EDAR: variants seen among roughly 807,000 people sequenced by gnomAD.
EDAR encodes the protein tumor necrosis factor receptor superfamily member EDAR.
Under a neutral mutation model 51.3 loss-of-function variants are expected in EDAR, and 38 were observed. That is an observed-to-expected ratio of 0.74 (90% CI 0.57 to 0.97). EDAR has a LOEUF of 0.97. EDAR is among the 50% of genes least tolerant of loss of function. EDAR has a pLI of 0.00. For missense variants in EDAR, 528 were observed against 595.0 expected, an observed-to-expected ratio of 0.89 and a Z score of 1.17; for synonymous variants, 227 against 242.1, an observed-to-expected ratio of 0.94 and a Z score of 0.58.
At chr2:108,969,357 G>C (rs1277467833) in intron 1 of EDAR, among the ~76,000 whole-genome samples, 1 of 152,076 alleles carries the variant, frequency 6.6e-6, no homozygotes, top group African/African-American at 2.4e-5. Flanking sequence ...CTATTGATCT[G>C]TATGTGCTGG....
chr2:108,971,897 G>C (rs1376387526), intron 1 of EDAR, among the ~76,000 whole-genome samples: 1 of 152,208 alleles, frequency 6.6e-6, no homozygotes, highest in South Asian at 2.1e-4. Context: ...GTCACCAAAG[G>C]CACTGAGCTT....
intron 1 of EDAR, among the ~76,000 whole-genome samples, chr2:108,986,850 G>A (rs924125595): frequency 3.3e-5 from 5 of 152,160 alleles, no homozygotes; most frequent in South Asian, 4.1e-4. Flanking sequence ...AGATGGAGGC[G>A]GCATACTCAC....
intron 1 of EDAR, among the ~76,000 whole-genome samples, chr2:108,965,273 C>G (rs899372465): frequency 2.0e-5 from 3 of 151,932 alleles, no homozygotes; most frequent in Non-Finnish European, 4.4e-5. Flanking sequence ...GTCAGGAGAT[C>G]GAGACCATCC....
chr2:108,966,466 C>G (rs4676223), intron 1 of EDAR, among the ~76,000 whole-genome samples: 5 of 152,080 alleles, frequency 3.3e-5, no homozygotes, highest in Non-Finnish European at 7.4e-5. Context: ...TATGCCTCAT[C>G]TCGCGGGCCC....
chr2:108,930,408 C>A (rs924882984), intron 2 of EDAR, among the ~76,000 whole-genome samples, 166 bp from the exon 3 acceptor site: 9 of 152,112 alleles, frequency 5.9e-5, no homozygotes, highest in Non-Finnish European at 1.0e-4. Context: ...GCTGCTAAGT[C>A]TCCAGTGGCT....
chr2:108,915,560 T>G (rs969407743), intron 5 of EDAR, among the ~76,000 whole-genome samples: 6 of 152,226 alleles, frequency 3.9e-5, no homozygotes, highest in Non-Finnish European at 1.5e-5. Context: ...AATCTTTGCT[T>G]TCTTAATTTA....
intron 1 of EDAR, among the ~76,000 whole-genome samples, chr2:108,952,304 G>A (rs1697840900): frequency 1.3e-5 from 2 of 152,128 alleles, no homozygotes; most frequent in South Asian, 2.1e-4. Context: ...TTGGGTAGAA[G>A]GTAGTTTGGT....
At chr2:108,907,475 G>A (rs1025379624) in intron 10 of EDAR, among the ~76,000 whole-genome samples, 4 of 151,928 alleles carry the variant, frequency 2.6e-5, no homozygotes, top group African/African-American at 4.8e-5. Context: ...GTGAAACCTC[G>A]TCTCTACTAA....
intron 4 of EDAR, among the ~76,000 whole-genome samples, chr2:108,927,806 C>G (rs2105441779): frequency 6.6e-6 from 1 of 152,276 alleles, no homozygotes; most frequent in Non-Finnish European, 1.5e-5. Flanking sequence ...CCCTCCACCT[C>G]CCCACCAAGC....
chr2:108,951,235 C>T (rs1287190365), intron 1 of EDAR, among the ~76,000 whole-genome samples: 1 of 152,204 alleles, frequency 6.6e-6, no homozygotes, highest in Non-Finnish European at 1.5e-5. Flanking sequence ...CTTGAAGGGT[C>T]TCAATATCGG....
chr2:108,984,828 T>TGGCATGTAGCAGATGCCC (rs1698471793), intron 1 of EDAR, among the ~76,000 whole-genome samples: 1 of 152,176 alleles, frequency 6.6e-6, no homozygotes, highest in East Asian at 1.9e-4. Context: ...GCATGGTGCC[T>TGGCATGTAGCAGATGCCC]GGCATGTAGC....
intron 1 of EDAR, among the ~76,000 whole-genome samples, chr2:108,946,627 T>C (rs1302544228): frequency 6.6e-6 from 1 of 152,160 alleles, no homozygotes; most frequent in African/African-American, 2.4e-5. Context: ...CTTACAGTCA[T>C]AGCAGAAGGC....
chr2:108,985,498 C>T (rs1403109629), intron 1 of EDAR, among the ~76,000 whole-genome samples: 1 of 152,202 alleles, frequency 6.6e-6, no homozygotes, highest in African/African-American at 2.4e-5. Flanking sequence ...TTCCATAGTC[C>T]TCTGTTTTCT....
chr2:108,973,575 A>C (rs970741089), intron 1 of EDAR, among the ~76,000 whole-genome samples: 4 of 152,120 alleles, frequency 2.6e-5, no homozygotes, highest in African/African-American at 9.7e-5. Flanking sequence ...GGCTCCTGGA[A>C]TCCTCAATGA....
At chr2:108,981,948 C>T (rs1435542027) in intron 1 of EDAR, among the ~76,000 whole-genome samples, 6 of 152,204 alleles carry the variant, frequency 3.9e-5, no homozygotes, top group Non-Finnish European at 7.3e-5. Context: ...TTATTGAATA[C>T]CTACTGTGTG....
rs73952574 is a variant in EDAR at position 108,972,859 on chromosome 2, T to G, written c.-19+16101A>C. 9.9e-3 allele frequency among the ~76,000 whole-genome samples: 1,502 copies of G among 152,364 alleles called. 25 individuals carry two copies. Among genetic ancestry groups the G allele is most frequent in the African/African-American group, 0.035 (1,451 of 41,590 alleles). On this transcript the variant is annotated intron_variant, in intron 1 of 11. Transcript: ENST00000258443. ...CCTTGGCTAGCTGGATTCTCCTCTTTGCCTTCTTGAACTTTCTTCTAGAGC... is the reference window on the plus strand; with the variant it reads ...CCTTGGCTAGCTGGATTCTCCTCTTGGCCTTCTTGAACTTTCTTCTAGAGC...
chr2:108,916,039 G>C (rs938057017), intron 5 of EDAR, among the ~76,000 whole-genome samples: 4 of 152,202 alleles, frequency 2.6e-5, no homozygotes, highest in Non-Finnish European at 5.9e-5. Flanking sequence ...GAAGTCTCCA[G>C]TGTGATAAGG....
intron 1 of EDAR, among the ~76,000 whole-genome samples, chr2:108,960,651 A>G (rs993111210): frequency 2.0e-5 from 3 of 152,230 alleles, no homozygotes; most frequent in Non-Finnish European, 2.9e-5. Flanking sequence ...ATTGTAAAGA[A>G]GTTTTCAAAC....
intron 1 of EDAR, among the ~76,000 whole-genome samples, chr2:108,943,374 C>T (rs1224245299): frequency 6.6e-6 from 1 of 152,174 alleles, no homozygotes; most frequent in African/African-American, 2.4e-5. Context: ...TCATTTCTGG[C>T]TCACCTCATT....
Sources: allele counts gnomAD v4.1 joint callset (sites outside exome capture counted in the v4.1 genomes callset), GRCh38; gene constraint gnomAD v4.1.1; transcripts MANE v1.5; gene names NCBI Gene and HGNC (gene_info 2026-07-23, HGNC 2026-07-21).